Variants in SHANK2 observed in about 807,000 individuals in gnomAD.
The protein encoded by SHANK2 is SH3 and multiple ankyrin repeat domains 2, also known as SH3 and multiple ankyrin repeat domains protein 2.
SHANK2 carries 43 observed loss-of-function variants against 133.7 expected under a neutral mutation model. The observed-to-expected ratio is 0.32, with a 90% CI of 0.25 to 0.41. The LOEUF (loss-of-function observed/expected upper bound fraction) is 0.41. Among genes scored for constraint, SHANK2 ranks in the 10% least tolerant of loss-of-function variants. SHANK2 has a pLI of 1.00. For missense variants in SHANK2, 1,994 were observed against 2,235.8 expected, an observed-to-expected ratio of 0.89 and a Z score of 2.18; for synonymous variants, 1,017 against 952.8, an observed-to-expected ratio of 1.07 and a Z score of -1.24.
intron 14 of SHANK2, among the ~76,000 whole-genome samples, chr11:70,769,142 T>C (rs1168351238): frequency 1.2e-4 from 18 of 151,814 alleles, no homozygotes; most frequent in Non-Finnish European, 2.6e-4. Flanking sequence ...GCGGGGTGAA[T>C]GAATGGGTGG....
intron 17 of SHANK2, among the ~76,000 whole-genome samples, chr11:70,547,080 C>G (rs2059704715): frequency 6.6e-6 from 1 of 152,082 alleles, no homozygotes; most frequent in Non-Finnish European, 1.5e-5. Flanking sequence ...CCAGAATCTC[C>G]CTCACCCTTG....
chr11:71,184,056 G>C (rs1490807536), intron 2 of SHANK2, among the ~76,000 whole-genome samples: 3 of 152,254 alleles, frequency 2.0e-5, no homozygotes, highest in Admixed American at 6.5e-5. Context: ...CTACAACCCT[G>C]ACGACTCCAT....
intron 14 of SHANK2, among the ~76,000 whole-genome samples, chr11:70,699,869 C>T (rs1036478584): frequency 3.3e-5 from 5 of 152,204 alleles, no homozygotes; most frequent in Non-Finnish European, 7.3e-5. Context: ...GATGTGGCCA[C>T]GTGACTAGTT....
At chr11:71,218,253 TTC>T (rs1297882652) in intron 2 of SHANK2, among the ~76,000 whole-genome samples, 1 of 135,864 alleles carries the variant, frequency 7.4e-6, no homozygotes, top group Admixed American at 9.1e-5. Flanking sequence ...TCTTCTAATT[TTC>T]TTTTTCTTTT....
intron 2 of SHANK2, among the ~76,000 whole-genome samples, chr11:71,150,252 A>AG (rs1952766138): frequency 2.6e-5 from 1 of 38,316 alleles, no homozygotes; most frequent in Non-Finnish European, 4.9e-5. Context: ...GGAGGGAGGG[A>AG]AGGAGGGAGG....
chr11:70,613,010 C>A (rs781882382), intron 17 of SHANK2, among the ~76,000 whole-genome samples: 1 of 152,054 alleles, frequency 6.6e-6, no homozygotes, highest in African/African-American at 2.4e-5. Flanking sequence ...TCATTTCCAG[C>A]GTCTTGCTGT....
At chr11:70,850,444 G>C (rs530553380) in intron 11 of SHANK2, among the ~76,000 whole-genome samples, 1 of 152,154 alleles carries the variant, frequency 6.6e-6, no homozygotes, top group Non-Finnish European at 1.5e-5. Context: ...GGCCAGGGTG[G>C]TGTGGTTTAC....
At chr11:70,950,388 A>G (rs1182016962) in intron 10 of SHANK2, among the ~76,000 whole-genome samples, 1 of 152,020 alleles carries the variant, frequency 6.6e-6, no homozygotes, top group Non-Finnish European at 1.5e-5. Context: ...ACAGGGTATC[A>G]CCATATTGGC....
chr11:70,899,912 C>T (rs1950000176), intron 10 of SHANK2, among the ~76,000 whole-genome samples: 1 of 152,200 alleles, frequency 6.6e-6, no homozygotes, highest in Non-Finnish European at 1.5e-5. Context: ...GGTGTAAATC[C>T]AGACTGGTAC....
intron 10 of SHANK2, among the ~76,000 whole-genome samples, chr11:70,904,939 T>G (rs1244298036): frequency 6.6e-6 from 1 of 152,222 alleles, no homozygotes; most frequent in Non-Finnish European, 1.5e-5. Flanking sequence ...TGTAGAACTG[T>G]AAGTCCATTA....
intron 17 of SHANK2, among the ~76,000 whole-genome samples, chr11:70,573,313 CAGCGGTGG>C (rs2136189323): frequency 1.2e-4 from 1 of 8,688 alleles, no homozygotes; most frequent in African/African-American, 7.6e-4. Flanking sequence ...GTGGTCACTC[CAGCGGTGG>C]GGGGGGGGGG....
At chr11:70,505,968 G>A (rs973613243) in intron 17 of SHANK2, among the ~76,000 whole-genome samples, 9 of 152,214 alleles carry the variant, frequency 5.9e-5, no homozygotes, top group African/African-American at 4.8e-5. Flanking sequence ...GCCCTTGGCC[G>A]CTTTGGGAGA....
At chr11:70,540,842 CA>C (rs10687305) in intron 17 of SHANK2, among the ~76,000 whole-genome samples, 11,310 of 111,000 alleles carry the variant, frequency 0.1, 1,311 homozygotes, top group African/African-American at 0.31. Context: ...GAGTAAGACT[CA>C]AAAAAAAAAA....
chr11:70,826,863 C>G (rs1286721483), intron 11 of SHANK2: 1 of 206,064 alleles, frequency 4.9e-6, no homozygotes, highest in Non-Finnish European at 1.0e-5. Context: ...CGTCCTCGAG[C>G]TGGCAGCTGG....
At chr11:71,076,209 G>A (rs1270759270) in intron 8 of SHANK2, among the ~76,000 whole-genome samples, 1 of 152,146 alleles carries the variant, frequency 6.6e-6, no homozygotes, top group Admixed American at 6.5e-5. Context: ...CTTGGACCTG[G>A]AGAAAAGTCG....
At chr11:70,549,148 C>T (rs546189497) in intron 17 of SHANK2, among the ~76,000 whole-genome samples, 4 of 152,160 alleles carry the variant, frequency 2.6e-5, no homozygotes, top group Non-Finnish European at 5.9e-5. Context: ...CACACGGGGG[C>T]GCTCGACGTG....
intron 10 of SHANK2, chr11:70,907,606 G>T (rs1950125645): frequency 5.9e-6 from 1 of 169,696 alleles, no homozygotes; most frequent in Non-Finnish European, 1.3e-5. Context: ...CAAATTGAAT[G>T]CAGAGATCCA....
chr11:70,534,719 T>C (rs1210887103), intron 17 of SHANK2, among the ~76,000 whole-genome samples: 1 of 152,180 alleles, frequency 6.6e-6, no homozygotes, highest in African/African-American at 2.4e-5. Flanking sequence ...CTCTAGCATG[T>C]CACTTCTTCC....
At chr11:70,883,643 G>A (rs1322669849) in intron 11 of SHANK2, among the ~76,000 whole-genome samples, 5 of 152,144 alleles carry the variant, frequency 3.3e-5, no homozygotes, top group Admixed American at 3.3e-4. Context: ...TGTGGAGCAG[G>A]ACAGAGCAAA....
Sources: allele counts gnomAD v4.1 joint callset (sites outside exome capture counted in the v4.1 genomes callset), GRCh38; gene constraint gnomAD v4.1.1; transcripts MANE v1.5; gene names NCBI Gene and HGNC (gene_info 2026-07-23, HGNC 2026-07-21).